Variants in DCAF17 observed in about 807,000 individuals in gnomAD.
The protein encoded by DCAF17 is DDB1 and CUL4 associated factor 17, also known as DDB1- and CUL4-associated factor 17.
Under a neutral mutation model 66.0 loss-of-function variants are expected in DCAF17, and 48 were observed. The ratio of observed to expected loss-of-function variants is 0.73; its 90% confidence interval spans 0.58 to 0.92. DCAF17 has a LOEUF of 0.92. Ranked by LOEUF, DCAF17 falls within the 40% of genes least tolerant of loss-of-function variation. DCAF17 has a pLI of 0.00. For synonymous variants in DCAF17, 206 were observed against 214.6 expected (o/e 0.96, Z 0.35); for missense variants, 562 against 622.8 (o/e 0.90, Z 1.04).
At chr2:171,455,898 G>T (rs1291591135) in intron 6 of DCAF17, among the ~76,000 whole-genome samples, 1 of 151,856 alleles carries the variant, frequency 6.6e-6, no homozygotes, top group Non-Finnish European at 1.5e-5. Context: ...GTTCCTTTTA[G>T]ATTCTGGATA....
At chr2:171,451,498 G>T (rs1462646269) in intron 5 of DCAF17, among the ~76,000 whole-genome samples, 1 of 152,152 alleles carries the variant, frequency 6.6e-6, no homozygotes, top group Non-Finnish European at 1.5e-5. Flanking sequence ...AAAACATTTT[G>T]CTACTTTGAG....
At chr2:171,478,640 A>G (rs929765206) in intron 12 of DCAF17, among the ~76,000 whole-genome samples, 2 of 152,250 alleles carry the variant, frequency 1.3e-5, no homozygotes, top group East Asian at 1.9e-4. Flanking sequence ...CTTTAAACAT[A>G]TAAACCATTG....
chr2:171,449,155 T>G (rs1694806762), intron 4 of DCAF17, among the ~76,000 whole-genome samples: 1 of 152,126 alleles, frequency 6.6e-6, no homozygotes, highest in Non-Finnish European at 1.5e-5. Flanking sequence ...ATTTTGGGTG[T>G]GCACCCCATG....
At chr2:171,465,216 A>C (rs1315891755) in intron 8 of DCAF17, among the ~76,000 whole-genome samples, 1 of 151,866 alleles carries the variant, frequency 6.6e-6, no homozygotes, top group African/African-American at 2.4e-5. Flanking sequence ...AAAAAAAAAA[A>C]AAGTATGGGG....
rs370019169 is a variant in DCAF17, at chr2:171,441,526, A to G, written c.231-1997A>G. ...AAGAAGGGACCCCCACCTCTTGACT[A>G]TACTGACCCAATACTCAGCCCCAGC... On this transcript the variant is annotated intron_variant, in intron 2 of 13. Transcript: ENST00000375255. Among the ~76,000 whole-genome samples, 7 of 152,184 alleles carry G rather than the reference A, an allele frequency of 4.6e-5. No individual in the cohort carries two copies. The East Asian group carries it at 5.8e-4, about 13-fold the overall frequency.
intron 10 of DCAF17, among the ~76,000 whole-genome samples, chr2:171,475,123 A>C (rs892688717): frequency 2.6e-5 from 4 of 152,192 alleles, no homozygotes; most frequent in Non-Finnish European, 5.9e-5. Flanking sequence ...GTCTTTTCAG[A>C]AAACTGAGGG....
chr2:171,475,338 A>G (rs555678442), intron 10 of DCAF17, among the ~76,000 whole-genome samples: 538 of 152,252 alleles, frequency 3.5e-3, no homozygotes, highest in Non-Finnish European at 5.6e-3. Context: ...TATTTTTGTG[A>G]TCTTCTGCTT....
Position 171,460,753 on chromosome 2 carries a change from C to T in DCAF17, c.838+2276C>T, listed in dbSNP as rs896585821. 5.9e-5 allele frequency among the ~76,000 whole-genome samples: 9 copies of T among 152,064 alleles called. 1 individual carries two copies. Among genetic ancestry groups the T allele is most frequent in the African/African-American group, 2.2e-4 (9 of 41,498 alleles). ...GTTTCACTATGTTGCTCAATTTGGC[C>T]TTGAACTCCTGGGCTCAAGCAGTCT... is the stretch of plus-strand genomic sequence containing the variant. On this transcript the variant is annotated intron_variant, in intron 8 of 13. Coordinates refer to ENST00000375255, the MANE Select transcript of DCAF17 (RefSeq NM_025000.4).
chr2:171,467,932 CT>C (rs1430665333), intron 8 of DCAF17, among the ~76,000 whole-genome samples: 1 of 152,016 alleles, frequency 6.6e-6, no homozygotes, highest in Non-Finnish European at 1.5e-5. Context: ...CACGAATCAT[CT>C]TCCTAAGACA....
intron 9 of DCAF17, among the ~76,000 whole-genome samples, chr2:171,471,506 A>G (rs1696242885): frequency 6.6e-6 from 1 of 152,250 alleles, no homozygotes; most frequent in Admixed American, 6.5e-5. Flanking sequence ...CATATTTTGT[A>G]TTAAAGGAGC....
In DCAF17 at chr2:171,434,540, C is replaced by T. The variant is rs1478896262; in HGVS notation, c.-38C>T. The T allele has an allele frequency of 1.3e-6, 2 of 1,523,474 alleles. No individual in the cohort carries two copies. The highest frequency in any genetic ancestry group is 1.8e-6 in the Non-Finnish European group (2 of 1,140,338). The allele number at this position is 1,523,474 out of a possible 1,614,324, so 94.4% of individuals were successfully genotyped here. On this transcript the variant is annotated 5_prime_UTR_variant, in exon 1 of 14. Transcript: ENST00000375255. ...GCACGGGAGTGTGGGGCGCGCCACT[C>T]GGCGGCCCAGCCTACCCAGGGCCCG...
chr2:171,437,751 T>C (rs139816205), intron 2 of DCAF17, among the ~76,000 whole-genome samples: 2 of 152,372 alleles, frequency 1.3e-5, no homozygotes, highest in African/African-American at 4.8e-5. Context: ...ATGAGATCGG[T>C]AGTGATAGCC....
rs1447666930 is a variant in DCAF17 at position 171,476,844 on chromosome 2, C to G, written c.1092-16C>G. On this transcript the variant is annotated splice_polypyrimidine_tract_variant and intron_variant, in intron 10 of 13. Coordinates refer to ENST00000375255, the MANE Select transcript of DCAF17 (RefSeq NM_025000.4). ...TTTGAAGTCTTAGGTTCTCAGAATC[C>G]TTTTTCCCTTCTCAGAGTTTTGAAG... is the stretch of plus-strand genomic sequence containing the variant. The G allele has an allele frequency of 3.1e-6, 5 of 1,597,512 alleles. No homozygotes were observed. Among genetic ancestry groups the G allele is most frequent in the Non-Finnish European group, 4.3e-6 (5 of 1,165,272 alleles).
intron 3 of DCAF17, among the ~76,000 whole-genome samples, chr2:171,448,454 A>G (rs986298869): frequency 6.6e-6 from 1 of 152,240 alleles, no homozygotes; most frequent in African/African-American, 2.4e-5. Flanking sequence ...AAATTATTTC[A>G]GGCCATGTTT....
At position 171,434,407 on chromosome 2, in the gene DCAF17, C is replaced by T; in HGVS notation, c.-171C>T. ...TGGCGGTGCAAGCGGCTCTGCTTTC[C>T]CTCGCCCCGCCGTCGGGTGCTCCCT... On this transcript the variant is annotated 5_prime_UTR_variant, in exon 1 of 14. Transcript: ENST00000375255. The T allele has an allele frequency of 8.5e-7, 1 of 1,179,948 alleles. No individual in the cohort carries two copies. Among genetic ancestry groups the T allele is most frequent in the South Asian group, 1.3e-5 (1 of 76,344 alleles). The allele number at this position is 1,179,948 out of a possible 1,614,324, so 73.1% of individuals were successfully genotyped here.
intron 2 of DCAF17, among the ~76,000 whole-genome samples, chr2:171,441,786 T>G (rs1297906739): frequency 1.3e-5 from 2 of 152,222 alleles, no homozygotes; most frequent in African/African-American, 4.8e-5. Flanking sequence ...AATAAATGTT[T>G]CTTCATATGC....
At position 171,482,684 on chromosome 2, in the gene DCAF17, G is replaced by A. The variant is rs926841736; in HGVS notation, c.*1570G>A. On this transcript the variant is annotated 3_prime_UTR_variant, in exon 14 of 14. Transcript: ENST00000375255. ...ATGTCAGAGATTTTTTTTTTTAGGT[G>A]ATTATTGAGTTTCTCCTTCTCCTTT... The A allele has an allele frequency of 4.4e-6, 2 of 452,966 alleles. No homozygotes were observed. Among genetic ancestry groups the A allele is most frequent in the Admixed American group, 2.4e-5 (1 of 42,418 alleles). 28.1% of individuals were successfully genotyped at this position (452,966 alleles called of 1,614,324 possible). A position where few individuals can be genotyped will look rare whatever the true frequency, so the allele number is the denominator to read the frequency against.
rs1272062141 is a variant in DCAF17, at chr2:171,482,125, A to C, written c.*1011A>C. ...ATATGGTCCTTGACTTTTAATAATCATTCTTTAGAATGTTAAATAAAGGCA... is the reference window on the plus strand; with the variant it reads ...ATATGGTCCTTGACTTTTAATAATCCTTCTTTAGAATGTTAAATAAAGGCA... On this transcript the variant is annotated 3_prime_UTR_variant, in exon 14 of 14. Transcript: ENST00000375255. 1 of 447,830 alleles carries C rather than the reference A, an allele frequency of 2.2e-6. No individual in the cohort carries two copies. Among genetic ancestry groups the C allele is most frequent in the Admixed American group, 2.4e-5 (1 of 41,584 alleles). 27.7% of individuals were successfully genotyped at this position (447,830 alleles called of 1,614,324 possible).
intron 3 of DCAF17, 125 bp downstream of exon 3, chr2:171,443,738 A>C: frequency 1.4e-6 from 1 of 727,516 alleles, no homozygotes; most frequent in East Asian, 2.8e-5. Flanking sequence ...TCTTTAAAGC[A>C]ATCAAGATGA....
Sources: gnomAD v4.1 joint callset for allele counts (sites outside exome capture counted in the v4.1 genomes callset) on GRCh38, gnomAD v4.1.1 for gene constraint, MANE v1.5 for transcripts, NCBI Gene and HGNC (gene_info 2026-07-23, HGNC 2026-07-21) for gene names.